ZBBX: variants seen among roughly 807,000 people sequenced by gnomAD.
The protein encoded by ZBBX is zinc finger B-box domain-containing protein 1.
Under a neutral mutation model 108.5 loss-of-function variants are expected in ZBBX, and 101 were observed. The ratio of observed to expected loss-of-function variants is 0.93; its 90% CI spans 0.79 to 1.10. ZBBX has a LOEUF of 1.10. Ranked by LOEUF, ZBBX falls within the 50% of genes least tolerant of loss-of-function variation. The pLI, the probability that ZBBX is intolerant of heterozygous loss-of-function variation, is 0.00. For synonymous variants in ZBBX, 356 were observed against 323.4 expected (o/e 1.10, Z -1.08); for missense variants, 1,009 against 941.4 (o/e 1.07, Z -0.94).
intron 5 of ZBBX, chr3:167,366,882 T>G (rs1480712484): frequency 2.2e-6 from 1 of 456,054 alleles, no homozygotes; most frequent in Non-Finnish European, 4.4e-6. Flanking sequence ...AATTGGCCAC[T>G]GGGTCATTAA....
chr3:167,342,972 T>G (rs972375703), intron 9 of ZBBX, among the ~76,000 whole-genome samples: 1 of 151,776 alleles, frequency 6.6e-6, no homozygotes, highest in Non-Finnish European at 1.5e-5. Context: ...AGAGCTGTAA[T>G]AAAAAAGAAA....
rs562694219 is a variant in ZBBX, at chr3:167,281,213, T to C, written c.2254+1025A>G. On this transcript the variant is annotated intron_variant, in intron 20 of 21. Transcript: ENST00000675490. ...GCACATGTATGCAGAGGTACCAGCA[T>C]GGCACATTGTGCACAGGTACCCTAA... is the stretch of plus-strand genomic sequence containing the variant. 4.5e-3 allele frequency among the ~76,000 whole-genome samples: 685 copies of C among 152,208 alleles called. 4 individuals carry two copies. The highest frequency in any genetic ancestry group is 0.016 in the African/African-American group (648 of 41,538).
At chr3:167,182,598 C>A in the ZBBX span, among the ~76,000 whole-genome samples, 1 of 152,144 alleles carries the variant, frequency 6.6e-6, no homozygotes, top group Non-Finnish European at 1.5e-5. Context: ...CAGTCACCAA[C>A]CCCCAAAAGT....
At chr3:167,284,279 A>C (rs1349877977) in intron 19 of ZBBX, among the ~76,000 whole-genome samples, 1 of 151,800 alleles carries the variant, frequency 6.6e-6, no homozygotes, top group African/African-American at 2.4e-5. Context: ...TATGTAAAGA[A>C]CCATATTTAT....
chr3:167,276,438 G>T (rs192753229), intron 20 of ZBBX, among the ~76,000 whole-genome samples: 2 of 152,154 alleles, frequency 1.3e-5, no homozygotes, highest in African/African-American at 4.8e-5. Flanking sequence ...AGAGAACTAT[G>T]TGAAGAATGC....
At chr3:167,302,798 C>T (rs1000025655) in intron 17 of ZBBX, among the ~76,000 whole-genome samples, 1 of 152,148 alleles carries the variant, frequency 6.6e-6, no homozygotes, top group African/African-American at 2.4e-5. Context: ...TTTCACAGGA[C>T]ATCATGAAGA....
intron 20 of ZBBX, among the ~76,000 whole-genome samples, chr3:167,250,202 G>A (rs961667000): frequency 6.6e-6 from 1 of 152,114 alleles, no homozygotes; most frequent in African/African-American, 2.4e-5. Flanking sequence ...TGGCCAACTT[G>A]GTCTTTTATA....
chr3:167,359,800 AAAGTTCTATTCT>A (rs1744209978), intron 8 of ZBBX, 58 bp downstream of exon 8: 6 of 711,028 alleles, frequency 8.4e-6, no homozygotes, highest in Non-Finnish European at 1.2e-5. Context: ...AGGCCATGTG[AAAGTTCTATTCT>A]AACTGCTTAA....
chr3:167,269,244 CTCTA>C (rs1414124058), intron 20 of ZBBX, among the ~76,000 whole-genome samples: 1 of 152,168 alleles, frequency 6.6e-6, no homozygotes, highest in Non-Finnish European at 1.5e-5. Flanking sequence ...CTCTGTTTCC[CTCTA>C]TCTGACATTG....
intron 17 of ZBBX, among the ~76,000 whole-genome samples, chr3:167,303,470 G>T (rs914665595): frequency 2.0e-5 from 3 of 152,014 alleles, no homozygotes; most frequent in South Asian, 2.1e-4. Context: ...TAATATATTT[G>T]CCATTTTCCC....
At chr3:167,312,415 TC>T (rs1734745545) in intron 16 of ZBBX, among the ~76,000 whole-genome samples, 1 of 152,146 alleles carries the variant, frequency 6.6e-6, no homozygotes, top group African/African-American at 2.4e-5. Context: ...AAGAGTGAAC[TC>T]TAATATAAAC....
At chr3:167,251,042 C>T (rs890221111) in intron 20 of ZBBX, among the ~76,000 whole-genome samples, 12 of 152,076 alleles carry the variant, frequency 7.9e-5, no homozygotes, top group South Asian at 2.1e-4. Flanking sequence ...AAGAGCACAC[C>T]GACAGAAACC....
the ZBBX span, among the ~76,000 whole-genome samples, chr3:167,230,350 T>A: frequency 6.6e-6 from 1 of 151,784 alleles, no homozygotes; most frequent in African/African-American, 2.4e-5. Context: ...ACTAGTGACA[T>A]AGTTATTAAT....
chr3:167,278,677 A>T (rs1323560744), intron 20 of ZBBX, among the ~76,000 whole-genome samples: 1 of 151,660 alleles, frequency 6.6e-6, no homozygotes, highest in Non-Finnish European at 1.5e-5. Flanking sequence ...AGGTACAAGG[A>T]GGAACTGGTA....
chr3:167,346,088 T>C (rs2108470159), intron 9 of ZBBX, among the ~76,000 whole-genome samples: 1 of 152,000 alleles, frequency 6.6e-6, no homozygotes, highest in South Asian at 2.1e-4. Context: ...TGATCTTACG[T>C]TGCTAAAAGG....
intron 10 of ZBBX, chr3:167,331,635 C>T (rs572810963): frequency 1.0e-6 from 1 of 985,380 alleles, no homozygotes; most frequent in East Asian, 1.1e-4. Flanking sequence ...AACGTTTCAG[C>T]TCAAAACTGT....
chr3:167,223,154 A>C, the ZBBX span, among the ~76,000 whole-genome samples: 1 of 151,848 alleles, frequency 6.6e-6, no homozygotes, highest in African/African-American at 2.4e-5. Context: ...TTATCATTAG[A>C]GACTCTACTT....
At chr3:167,313,563 T>C (rs1734955244) in intron 16 of ZBBX, among the ~76,000 whole-genome samples, 1 of 152,172 alleles carries the variant, frequency 6.6e-6, no homozygotes, top group Non-Finnish European at 1.5e-5. Context: ...ATTACAAGCT[T>C]GAGCCACCGA....
At chr3:167,252,105 A>G in intron 20 of ZBBX, 1 of 1,271,782 alleles carries the variant, frequency 7.9e-7, no homozygotes, top group South Asian at 1.2e-5. Flanking sequence ...AGCAATTTGA[A>G]TCAAAGGAGA....
Sources: gnomAD v4.1 joint callset for allele counts (sites outside exome capture counted in the v4.1 genomes callset) on GRCh38, gnomAD v4.1.1 for gene constraint, MANE v1.5 for transcripts, NCBI Gene and HGNC (gene_info 2026-07-23, HGNC 2026-07-21) for gene names.